CHODL: variants seen among roughly 807,000 people sequenced by gnomAD.
The protein encoded by CHODL is transmembrane protein MT75.
CHODL carries 29 observed loss-of-function variants against 34.5 expected under a neutral mutation model. The ratio of observed to expected loss-of-function variants is 0.84; its 90% confidence interval spans 0.63 to 1.15. The LOEUF is 1.15. CHODL is among the 50% of genes most tolerant of loss of function. The probability of loss-of-function intolerance (pLI) is 0.00; values close to 1 mark genes in which losing one functional copy is unlikely to be tolerated. For synonymous variants in CHODL, 125 were observed against 116.1 expected, an observed-to-expected ratio of 1.08 and a Z score of -0.49; for missense variants, 332 against 332.5, an observed-to-expected ratio of 1.00 and a Z score of 0.01.
At chr21:18,039,968 C>T (rs1320627229) in intron 2 of CHODL, among the ~76,000 whole-genome samples, 2 of 151,684 alleles carry the variant, frequency 1.3e-5, no homozygotes, top group Non-Finnish European at 3.0e-5. Context: ...TGCTGAGCCT[C>T]CAAACATGGA....
chr21:17,940,288 A>G (rs1221369292), intron 1 of CHODL, among the ~76,000 whole-genome samples: 1 of 152,240 alleles, frequency 6.6e-6, no homozygotes, highest in East Asian at 1.9e-4. Flanking sequence ...ACAGGCAAAA[A>G]TCTGGAAACA....
intron 2 of CHODL, among the ~76,000 whole-genome samples, chr21:18,168,156 G>A (rs1440468403): frequency 6.6e-6 from 1 of 152,190 alleles, no homozygotes; most frequent in Non-Finnish European, 1.5e-5. Flanking sequence ...ACTGAAGGCT[G>A]CCCTGTTGGC....
intron 2 of CHODL, among the ~76,000 whole-genome samples, chr21:18,205,577 T>A (rs1030074636): frequency 6.6e-6 from 1 of 152,176 alleles, no homozygotes; most frequent in African/African-American, 2.4e-5. Flanking sequence ...GTTTTTCTAG[T>A]CTTTTGATGT....
At chr21:17,920,671 G>T (rs1433013169) in intron 1 of CHODL, among the ~76,000 whole-genome samples, 2 of 152,202 alleles carry the variant, frequency 1.3e-5, no homozygotes, top group African/African-American at 2.4e-5. Flanking sequence ...TTGGCAGATA[G>T]CACATGCTCA....
intron 2 of CHODL, among the ~76,000 whole-genome samples, chr21:18,088,931 G>C (rs371063982): frequency 5.3e-5 from 8 of 152,066 alleles, no homozygotes; most frequent in African/African-American, 1.4e-4. Context: ...GTAAGGTCTC[G>C]GTTCTCAGTA....
chr21:17,971,625 G>A (rs957235291), intron 1 of CHODL, among the ~76,000 whole-genome samples: 3 of 151,848 alleles, frequency 2.0e-5, no homozygotes, highest in African/African-American at 7.3e-5. Context: ...TGTAGATTCT[G>A]GATATTAACA....
intron 2 of CHODL, among the ~76,000 whole-genome samples, chr21:18,086,888 G>T (rs2065014068): frequency 6.6e-6 from 1 of 152,164 alleles, no homozygotes; most frequent in East Asian, 1.9e-4. Context: ...GTGTGTGGGT[G>T]GGTTCTCAGA....
intron 1 of CHODL, among the ~76,000 whole-genome samples, chr21:18,255,424 A>T (rs1047181367): frequency 6.6e-6 from 1 of 152,104 alleles, no homozygotes; most frequent in Non-Finnish European, 1.5e-5. Flanking sequence ...AGACATTGTT[A>T]TTTCATATGT....
intron 1 of CHODL, among the ~76,000 whole-genome samples, chr21:17,953,733 T>A (rs1425682238): frequency 6.6e-6 from 1 of 152,110 alleles, no homozygotes; most frequent in Non-Finnish European, 1.5e-5. Context: ...AAGACTAGTC[T>A]GGGTGTGGTG....
At chr21:18,232,032 A>G (rs1464667828) in intron 2 of CHODL, among the ~76,000 whole-genome samples, 2 of 152,062 alleles carry the variant, frequency 1.3e-5, no homozygotes, top group African/African-American at 4.8e-5. Context: ...AGAGAAGAGC[A>G]CTGTTGAACT....
At position 18,162,411 on chromosome 21, in the gene CHODL, T is replaced by TTCTCTCTCTC. The variant is rs58978469; in HGVS notation, c.-44-94082_-44-94073dup. ...TGTGCCTTCATATTCACGTGGTGTT[T>TTCTCTCTCTC]TCTCTCTCTCTCTCTCTCTCTCTCT... is the stretch of plus-strand genomic sequence containing the variant. On this transcript the variant is annotated intron_variant, in intron 2 of 6. Coordinates refer to the CHODL transcript ENST00000400127. Among the ~76,000 whole-genome samples, 370 of 147,908 alleles carry TTCTCTCTCTC rather than the reference T, an allele frequency of 2.5e-3. 1 individual carries two copies. Among genetic ancestry groups the TTCTCTCTCTC allele is most frequent in the African/African-American group, 7.2e-3 (287 of 39,856 alleles).
chr21:17,960,535 C>T (rs200799), intron 1 of CHODL, among the ~76,000 whole-genome samples: 119,723 of 151,884 alleles, frequency 0.79, 48,113 homozygotes, highest in Middle Eastern at 0.88. Flanking sequence ...CCATTGAGTG[C>T]TCCTTGTTTT....
chr21:18,242,201 C>T (rs1025232831), upstream of CHODL, among the ~76,000 whole-genome samples: 1 of 152,072 alleles, frequency 6.6e-6, no homozygotes, highest in Admixed American at 6.6e-5. Context: ...TCTTAAACTT[C>T]TAATTTTGTT....
intron 1 of CHODL, among the ~76,000 whole-genome samples, chr21:17,920,901 A>G (rs2063178708): frequency 6.6e-6 from 1 of 152,192 alleles, no homozygotes; most frequent in African/African-American, 2.4e-5. Context: ...CAGGGAAGTT[A>G]TATGATCACT....
intron 2 of CHODL, among the ~76,000 whole-genome samples, chr21:18,070,350 C>G (rs898737739): frequency 1.3e-5 from 2 of 151,892 alleles, no homozygotes; most frequent in Non-Finnish European, 2.9e-5. Context: ...AAGCTAATTT[C>G]TTTTCTTCTG....
intron 2 of CHODL, among the ~76,000 whole-genome samples, chr21:18,123,355 A>G (rs1357579509): frequency 6.6e-6 from 1 of 152,224 alleles, no homozygotes; most frequent in Non-Finnish European, 1.5e-5. Flanking sequence ...AAACCTTCTT[A>G]TTAAGGAGAC....
chr21:18,096,812 T>A (rs147543591), intron 2 of CHODL, among the ~76,000 whole-genome samples: 1 of 152,230 alleles, frequency 6.6e-6, no homozygotes, highest in East Asian at 1.9e-4. Context: ...TGTGACCCAC[T>A]CTCTATTCGT....
At position 18,091,819 on chromosome 21, in the gene CHODL, C is replaced by T. The variant is rs118076294; in HGVS notation, c.-45+63848C>T. On this transcript the variant is annotated intron_variant, in intron 2 of 6. Transcript: ENST00000400127. ...TTGCCAGTAGCCTGGCAGAATGCCC[C>T]GTGGACCAGTAGTGGTGGTGATGGC... is the stretch of plus-strand genomic sequence containing the variant. 3.6e-3 allele frequency among the ~76,000 whole-genome samples: 549 copies of T among 152,230 alleles called. 8 individuals carry two copies. The highest frequency in any genetic ancestry group is 6.4e-3 in the East Asian group (33 of 5,164).
chr21:17,963,080 A>G (rs1161991177), intron 1 of CHODL, among the ~76,000 whole-genome samples: 4 of 104,364 alleles, frequency 3.8e-5, no homozygotes, highest in Non-Finnish European at 7.8e-5. Context: ...AAAAAATAAT[A>G]ATAATAATAA....
Sources: gnomAD v4.1 joint callset for allele counts (sites outside exome capture counted in the v4.1 genomes callset) on GRCh38, gnomAD v4.1.1 for gene constraint, MANE v1.5 for transcripts, NCBI Gene and HGNC (gene_info 2026-07-23, HGNC 2026-07-21) for gene names.